Variants in DLC1 observed in about 807,000 individuals in gnomAD.
DLC1 encodes the protein DLC1 Rho GTPase activating protein.
Under a neutral mutation model 140.3 loss-of-function variants are expected in DLC1, and 54 were observed. That is an observed-to-expected ratio of 0.38 (90% CI 0.31 to 0.48). The LOEUF (loss-of-function observed/expected upper bound fraction) is 0.48, where lower values mean the gene tolerates loss of function less well. Among genes scored for constraint, DLC1 ranks in the 20% least tolerant of loss-of-function variants. DLC1 has a pLI of 0.96. For synonymous variants in DLC1, 986 were observed against 728.1 expected (o/e 1.35, Z -5.70); for missense variants, 2,536 against 1,907.0 (o/e 1.33, Z -6.14).
chr8:13,140,063 T>C (rs1585747031), intron 5 of DLC1, among the ~76,000 whole-genome samples: 1 of 152,176 alleles, frequency 6.6e-6, no homozygotes, highest in East Asian at 1.9e-4. Flanking sequence ...TTTCTCCCCT[T>C]CCCCCAGCCC....
intron 1 of DLC1, among the ~76,000 whole-genome samples, chr8:13,596,890 G>A (rs912021470): frequency 2.6e-5 from 4 of 152,002 alleles, no homozygotes; most frequent in Admixed American, 6.6e-5. Flanking sequence ...TCATACAATT[G>A]TTCTATATTA....
intron 2 of DLC1, among the ~76,000 whole-genome samples, chr8:13,432,317 G>A (rs1484335648): frequency 6.6e-6 from 1 of 152,156 alleles, no homozygotes; most frequent in African/African-American, 2.4e-5. Flanking sequence ...ACATGGGAAT[G>A]GTGATCTAAT....
chr8:13,091,708 T>C (rs1251987193), intron 13 of DLC1, among the ~76,000 whole-genome samples: 1 of 152,082 alleles, frequency 6.6e-6, no homozygotes, highest in Non-Finnish European at 1.5e-5. Context: ...CAGGGCAGCT[T>C]GTAGGGGCTG....
rs1801144346 is a variant in DLC1 at position 13,489,595 on chromosome 8, C to T, written c.1023+9454G>A. On this transcript the variant is annotated intron_variant, in intron 2 of 17. Coordinates refer to ENST00000276297, the MANE Select transcript of DLC1 (RefSeq NM_182643.3). ...CTGTTATACAAATGAAAAAAAAAAACTGTGCCATAGAGAGATTAAGTAACT... is the reference window on the plus strand; with the variant it reads ...CTGTTATACAAATGAAAAAAAAAAATTGTGCCATAGAGAGATTAAGTAACT... Among the ~76,000 whole-genome samples, 3 of 146,732 alleles carry T rather than the reference C, an allele frequency of 2.0e-5. No individual in the cohort carries two copies. In the South Asian group the frequency reaches 6.6e-4, roughly 32 times the overall value.
chr8:13,260,192 A>G (rs968711482), intron 5 of DLC1, among the ~76,000 whole-genome samples: 1 of 152,244 alleles, frequency 6.6e-6, no homozygotes, highest in African/African-American at 2.4e-5. Flanking sequence ...TGGAAATTGC[A>G]TGATCTTGAT....
intron 5 of DLC1, among the ~76,000 whole-genome samples, chr8:13,159,344 G>T (rs1283869723): frequency 6.6e-6 from 1 of 152,164 alleles, no homozygotes; most frequent in African/African-American, 2.4e-5. Flanking sequence ...AGGCAGTGGT[G>T]CCAGCCACCC....
intron 5 of DLC1, among the ~76,000 whole-genome samples, chr8:13,221,712 ATGTGTGTGTGTGTG>A (rs371741645): frequency 3.0e-5 from 4 of 133,730 alleles, no homozygotes; most frequent in African/African-American, 8.3e-5. Context: ...GTGTGTGTAT[ATGTGTGTGTGTGTG>A]TATATATATA....
At chr8:13,566,034 A>C (rs985393049) in intron 1 of DLC1, among the ~76,000 whole-genome samples, 2 of 152,174 alleles carry the variant, frequency 1.3e-5, no homozygotes, top group East Asian at 3.9e-4. Context: ...CACTCAACAG[A>C]GATTTCTTGA....
At chr8:13,155,891 A>G (rs1332017221) in intron 5 of DLC1, among the ~76,000 whole-genome samples, 2 of 152,192 alleles carry the variant, frequency 1.3e-5, no homozygotes, top group African/African-American at 4.8e-5. Context: ...TTTTTATTTT[A>G]TAAGAGTGAA....
chr8:13,261,166 C>T (rs1040381101), intron 5 of DLC1, among the ~76,000 whole-genome samples: 5 of 152,146 alleles, frequency 3.3e-5, no homozygotes, highest in Admixed American at 2.0e-4. Context: ...AGAAGTGGAT[C>T]GCAATTGGTT....
intron 2 of DLC1, among the ~76,000 whole-genome samples, chr8:13,427,864 A>G (rs1304497137): frequency 6.6e-6 from 1 of 152,190 alleles, no homozygotes; most frequent in Non-Finnish European, 1.5e-5. Flanking sequence ...GGATGCAGGA[A>G]TGATGTCTTC....
intron 3 of DLC1, among the ~76,000 whole-genome samples, chr8:13,398,474 C>CAAGAAAGA (rs920911955): frequency 5.9e-5 from 9 of 151,788 alleles, no homozygotes; most frequent in Admixed American, 5.9e-4. Context: ...ATAATTAAAT[C>CAAGAAAGA]AAGAAAGAGG....
At chr8:13,280,407 G>C (rs1831325231) in intron 5 of DLC1, among the ~76,000 whole-genome samples, 1 of 151,654 alleles carries the variant, frequency 6.6e-6, no homozygotes, top group African/African-American at 2.4e-5. Flanking sequence ...GGTGCTGTTT[G>C]ACCAGGGAAG....
Position 13,472,742 on chromosome 8 carries a change from A to G in DLC1, c.1023+26307T>C, listed in dbSNP as rs79751312. Among the ~76,000 whole-genome samples the G allele has an allele frequency of 4.1e-3, 627 of 152,358 alleles. 8 individuals carry two copies. Among genetic ancestry groups the G allele is most frequent in the African/African-American group, 0.015 (608 of 41,594 alleles). Reference sequence around the variant, plus strand: ...TAGGAGGGATTCCCCATTCAGAAGAAATGCAGGAATTGACTATCAAATAAT... The same window carrying G: ...TAGGAGGGATTCCCCATTCAGAAGAGATGCAGGAATTGACTATCAAATAAT... On this transcript the variant is annotated intron_variant, in intron 2 of 17. Coordinates refer to ENST00000276297, the MANE Select transcript of DLC1 (RefSeq NM_182643.3).
chr8:13,601,135 C>G (rs1031676248), intron 1 of DLC1, among the ~76,000 whole-genome samples: 3 of 151,682 alleles, frequency 2.0e-5, no homozygotes, highest in African/African-American at 4.8e-5. Flanking sequence ...TGTGCAGTGT[C>G]AAGCAGTTCT....
intron 5 of DLC1, among the ~76,000 whole-genome samples, chr8:13,191,957 A>C (rs923565331): frequency 4.1e-5 from 6 of 146,798 alleles, no homozygotes; most frequent in Non-Finnish European, 9.0e-5. Context: ...TATTATTATT[A>C]TTTTTATGGA....
intron 5 of DLC1, among the ~76,000 whole-genome samples, chr8:13,261,679 A>G (rs984913104): frequency 6.6e-6 from 1 of 152,144 alleles, no homozygotes; most frequent in Non-Finnish European, 1.5e-5. Context: ...ATGCATTTGC[A>G]GGTACAGATG....
intron 5 of DLC1, among the ~76,000 whole-genome samples, chr8:13,237,381 A>T (rs892114780): frequency 2.0e-5 from 3 of 151,322 alleles, no homozygotes; most frequent in African/African-American, 7.3e-5. Flanking sequence ...ACACACAGAT[A>T]TGTATTTGTG....
At position 13,499,861 on chromosome 8, in the gene DLC1, T is replaced by C; in HGVS notation, c.211A>G (p.Arg71Gly). Residue 71 changes from arginine to glycine, a missense_variant, in exon 2 of 18, where the codon AGA becomes GGA. Arg to Gly is a moderately radical substitution (Grantham distance 125). Transcript: ENST00000276297. ...LPDCCHGSEL[R>G]DFPGRPMGHL... ...CCCATTGGCCTCCCAGGAAAATCTC[T>C]CAGCTCTGATCCATGACAGCAGTCA... 2 of 1,614,106 alleles carry C rather than the reference T, an allele frequency of 1.2e-6. No individual in the cohort carries two copies. Among genetic ancestry groups the C allele is most frequent in the Admixed American group, 1.7e-5 (1 of 60,016 alleles).
Sources: gnomAD v4.1 joint callset for allele counts (sites outside exome capture counted in the v4.1 genomes callset) on GRCh38, gnomAD v4.1.1 for gene constraint, MANE v1.5 for transcripts, NCBI Gene and HGNC (gene_info 2026-07-23, HGNC 2026-07-21) for gene names.